Variants in AKAP19 observed in about 807,000 individuals in gnomAD.
The protein encoded by AKAP19 is A-kinase anchoring protein 19, also known as small A-kinase anchoring protein.
At chr2:189,904,267 C>A in the AKAP19 span, among the ~76,000 whole-genome samples, 1 of 151,976 alleles carries the variant, frequency 6.6e-6, no homozygotes, top group African/African-American at 2.4e-5. Flanking sequence ...ATCCTCGCAG[C>A]AATACTGTAG....
chr2:190,060,188 A>T, the AKAP19 span: 1 of 1,613,112 alleles, frequency 6.2e-7, no homozygotes, highest in South Asian at 1.1e-5. Flanking sequence ...CTGTCTTCAC[A>T]TCAATGCTCT....
chr2:190,176,932 C>T, the AKAP19 span, among the ~76,000 whole-genome samples: 2 of 152,246 alleles, frequency 1.3e-5, no homozygotes, highest in East Asian at 3.9e-4. The surrounding 1 kb of genome is among the most constrained non-coding windows in gnomAD (Gnocchi z 4.7). Context: ...AAAACTAGCA[C>T]ATAAAACCTG....
the AKAP19 span, among the ~76,000 whole-genome samples, chr2:190,163,597 C>G: frequency 6.6e-6 from 1 of 152,106 alleles, no homozygotes; most frequent in Non-Finnish European, 1.5e-5. Flanking sequence ...CCACTAATTA[C>G]CAGGCACTCA....
chr2:189,956,352 G>C, the AKAP19 span, among the ~76,000 whole-genome samples: 1 of 149,892 alleles, frequency 6.7e-6, no homozygotes, highest in Admixed American at 6.6e-5. Flanking sequence ...TGTATTTTTA[G>C]TAGAGACGGG....
chr2:190,066,914 A>T, the AKAP19 span, among the ~76,000 whole-genome samples: 1 of 152,180 alleles, frequency 6.6e-6, no homozygotes, highest in African/African-American at 2.4e-5. Flanking sequence ...AGCCAGACAG[A>T]CACAATCACT....
At chr2:190,056,793 G>A in the AKAP19 span, 3 of 171,886 alleles carry the variant, frequency 1.7e-5, no homozygotes. Flanking sequence ...ATCTTACCAA[G>A]TATACTACCA....
chr2:190,201,020 T>G, the AKAP19 span: 1 of 166,598 alleles, frequency 6.0e-6, no homozygotes. Flanking sequence ...TCCAGTTTTT[T>G]CTTGACTAGT....
chr2:190,192,344 G>T, the AKAP19 span, among the ~76,000 whole-genome samples: 1 of 151,878 alleles, frequency 6.6e-6, no homozygotes, highest in African/African-American at 2.4e-5. Context: ...AATTACTGTA[G>T]CTTTATAGTC....
the AKAP19 span, among the ~76,000 whole-genome samples, chr2:189,947,444 A>G: frequency 7.9e-5 from 12 of 152,228 alleles, 1 homozygote; most frequent in East Asian, 1.7e-3. Context: ...AATTATTTCC[A>G]TTTATTCTAG....
the AKAP19 span, among the ~76,000 whole-genome samples, chr2:190,145,152 T>C: frequency 4.6e-5 from 7 of 152,098 alleles, no homozygotes; most frequent in Non-Finnish European, 1.0e-4. Flanking sequence ...CCAGACGTGG[T>C]AGCCCACGTC....
chr2:189,889,479 T>A, the AKAP19 span, among the ~76,000 whole-genome samples: 243 of 152,312 alleles, frequency 1.6e-3, no homozygotes, highest in African/African-American at 5.8e-3. Context: ...TTTTCTATTG[T>A]TTGGAATAGT....
the AKAP19 span, among the ~76,000 whole-genome samples, chr2:189,902,515 G>A: frequency 6.6e-6 from 1 of 151,900 alleles, no homozygotes. Flanking sequence ...TTTCTAAGCT[G>A]CATAATTAGA....
chr2:190,069,175 T>TGTGTGTGTGTGTGTGTGTGTGAGA, the AKAP19 span, among the ~76,000 whole-genome samples: 17 of 123,530 alleles, frequency 1.4e-4, no homozygotes, highest in African/African-American at 5.5e-4. Context: ...TGTGTGTGTG[T>TGTGTGTGTGTGTGTGTGTGTGAGA]GAGAGAGAGA....
At chr2:190,071,554 A>G in the AKAP19 span, among the ~76,000 whole-genome samples, 1 of 152,178 alleles carries the variant, frequency 6.6e-6, no homozygotes, top group Non-Finnish European at 1.5e-5. Context: ...AGTACATTCT[A>G]TGATGTTCAC....
the AKAP19 span, among the ~76,000 whole-genome samples, chr2:189,942,258 T>C: frequency 6.6e-6 from 1 of 152,064 alleles, no homozygotes; most frequent in African/African-American, 2.4e-5. Flanking sequence ...GAAGTGTGTG[T>C]CACCTCCCCA....
the AKAP19 span, among the ~76,000 whole-genome samples, chr2:190,181,620 G>C: frequency 6.6e-6 from 1 of 152,224 alleles, no homozygotes; most frequent in African/African-American, 2.4e-5. Context: ...AAGCAAAGCG[G>C]AACAATTGGA....
At chr2:190,145,871 C>CTATA in the AKAP19 span, among the ~76,000 whole-genome samples, 2 of 79,060 alleles carry the variant, frequency 2.5e-5, no homozygotes, top group African/African-American at 9.1e-5. Context: ...ATATATATAA[C>CTATA]TATATATATA....
At chr2:190,162,343 T>C in the AKAP19 span, among the ~76,000 whole-genome samples, 1 of 152,140 alleles carries the variant, frequency 6.6e-6, no homozygotes, top group Non-Finnish European at 1.5e-5. Flanking sequence ...CTCTAGGTAA[T>C]AGTAGTCTAA....
the AKAP19 span, among the ~76,000 whole-genome samples, chr2:190,014,245 A>G: frequency 6.6e-6 from 1 of 152,156 alleles, no homozygotes; most frequent in Non-Finnish European, 1.5e-5. Flanking sequence ...ATAATTTACA[A>G]AGGAAAAGGG....
Sources: gnomAD v4.1 joint callset for allele counts (sites outside exome capture counted in the v4.1 genomes callset) on GRCh38, gnomAD v4.1.1 for gene constraint, Gnocchi (gnomAD v3.1) non-coding constraint, MANE v1.5 for transcripts, NCBI Gene and HGNC (gene_info 2026-07-23, HGNC 2026-07-21) for gene names.